The following APP variants were observed in gnomAD, a reference collection of about 807,000 sequenced individuals.
APP encodes the protein amyloid-beta precursor protein.
A neutral mutation model predicts 101.4 loss-of-function variants in APP; 31 were observed. That is an observed-to-expected ratio of 0.31 (90% CI 0.23 to 0.41). The LOEUF is 0.41. Among genes scored for constraint, APP ranks in the 10% least tolerant of loss-of-function variants. The pLI, the probability that APP is intolerant of heterozygous loss-of-function variation, is 1.00. For missense variants in APP, 839 were observed against 1,003.7 expected, an observed-to-expected ratio of 0.84 and a Z score of 2.22; for synonymous variants, 366 against 364.4, an observed-to-expected ratio of 1.00 and a Z score of -0.05.
chr21:25,927,463 A>G (rs1390728226), intron 13 of APP, among the ~76,000 whole-genome samples: 2 of 152,200 alleles, frequency 1.3e-5, no homozygotes, highest in African/African-American at 4.8e-5. Context: ...ATTTATACAC[A>G]TATTATCACA....
Position 25,881,661 on chromosome 21 carries a change from G to C in APP, c.*9C>G. The stretch of plus-strand genomic sequence containing the variant: ...GCTGTCCAACTTCAGAGGCTGCTGT[G>C]GCGGGGGTCTAGTTCTGCATCTGCT... On this transcript the variant is annotated 3_prime_UTR_variant, in exon 18 of 18. Transcript: ENST00000346798. 1.2e-6 allele frequency: 2 copies of C among 1,613,022 alleles called. No individual in the cohort carries two copies. Among genetic ancestry groups the C allele is most frequent in the African/African-American group, 1.3e-5 (1 of 75,026 alleles).
rs45581840 is a variant in APP, at chr21:26,155,343, GTATTTCA to G, written c.57+15214_57+15220del. Among the ~76,000 whole-genome samples, 1,460 of 152,262 alleles carry G rather than the reference GTATTTCA, an allele frequency of 9.6e-3. 18 individuals are homozygous for G. The highest frequency in any genetic ancestry group is 0.033 in the African/African-American group (1,373 of 41,530). ...TGAAGACATAATATGAAAAAATAAT[GTATTTCA>G]TAAATAGCTTTTATATTGACCCCCT... On this transcript the variant is annotated intron_variant, in intron 1 of 17. Coordinates refer to ENST00000346798, the MANE Select transcript of APP (RefSeq NM_000484.4).
chr21:26,137,588 G>A (rs1206376278), intron 1 of APP, among the ~76,000 whole-genome samples: 3 of 152,226 alleles, frequency 2.0e-5, no homozygotes, highest in Middle Eastern at 3.4e-3. Context: ...TCCTCACTGG[G>A]AGTTAGAAAT....
chr21:25,994,624 A>G (rs1402015401), intron 8 of APP, among the ~76,000 whole-genome samples: 1 of 152,226 alleles, frequency 6.6e-6, no homozygotes. Context: ...TTTGACTAGA[A>G]GCAGCTTAGA....
chr21:26,154,067 A>G (rs982046267), intron 1 of APP, among the ~76,000 whole-genome samples: 2 of 152,226 alleles, frequency 1.3e-5, no homozygotes, highest in Non-Finnish European at 2.9e-5. Context: ...ATTTGCTTAC[A>G]TTCTGAAAAT....
intron 1 of APP, among the ~76,000 whole-genome samples, chr21:26,146,330 T>C (rs1452996717): frequency 6.6e-6 from 1 of 152,250 alleles, no homozygotes; most frequent in African/African-American, 2.4e-5. Flanking sequence ...CTGTTATCAA[T>C]TGACAGTAGA....
intron 8 of APP, among the ~76,000 whole-genome samples, chr21:25,990,042 A>G (rs2830003): frequency 0.3 from 45,814 of 151,966 alleles, 7,691 homozygotes; most frequent in African/African-American, 0.45. Context: ...GCCATTTATA[A>G]CAAGAAAATA....
At chr21:25,909,893 G>A (rs1453163191) in intron 14 of APP, among the ~76,000 whole-genome samples, 4 of 151,982 alleles carry the variant, frequency 2.6e-5, no homozygotes, top group Admixed American at 2.6e-4. Flanking sequence ...TTCATAAATG[G>A]TAAAGTTTTA....
chr21:26,157,865 A>G (rs1642559597), intron 1 of APP, among the ~76,000 whole-genome samples: 1 of 152,268 alleles, frequency 6.6e-6, no homozygotes, highest in Non-Finnish European at 1.5e-5. Context: ...AAACAGGTTC[A>G]GCATGACAGA....
At chr21:26,043,830 G>GGGCTT (rs1555855177) in intron 5 of APP, among the ~76,000 whole-genome samples, 1 of 236 alleles carries the variant, frequency 4.2e-3, no homozygotes, top group South Asian at 0.12. Context: ...ACTACTTGTG[G>GGGCTT]GCTGATATTC....
intron 5 of APP, among the ~76,000 whole-genome samples, chr21:26,028,176 CAAAA>C (rs200301180): frequency 3.2e-5 from 3 of 93,490 alleles, no homozygotes; most frequent in Non-Finnish European, 4.5e-5. Flanking sequence ...GACTCTGTCT[CAAAA>C]AAAAAAAAAA....
At chr21:25,977,837 C>G (rs574983078) in intron 9 of APP, among the ~76,000 whole-genome samples, 12 of 152,258 alleles carry the variant, frequency 7.9e-5, no homozygotes, top group African/African-American at 2.4e-4. Flanking sequence ...ATAAAGGGAA[C>G]CTGTGGGCAA....
chr21:26,149,971 GA>G (rs1251173757), intron 1 of APP, among the ~76,000 whole-genome samples: 3 of 152,214 alleles, frequency 2.0e-5, no homozygotes, highest in East Asian at 3.9e-4. Flanking sequence ...TAGAAAAGGG[GA>G]AAAAAACCTT....
At chr21:25,890,029 A>C (rs1601288293) in intron 17 of APP, among the ~76,000 whole-genome samples, 1 of 152,352 alleles carries the variant, frequency 6.6e-6, no homozygotes, top group African/African-American at 2.4e-5. Flanking sequence ...GCTGATACTA[A>C]TGAAAACCTA....
intron 2 of APP, among the ~76,000 whole-genome samples, chr21:26,098,586 A>G (rs989837170): frequency 6.6e-6 from 1 of 152,222 alleles, no homozygotes; most frequent in Non-Finnish European, 1.5e-5. Context: ...ATTAATGCCA[A>G]AAGTCCTAAA....
rs564382682 is a variant in APP at position 25,987,289 on chromosome 21, T to C, written c.1091-4812A>G. On this transcript the variant is annotated intron_variant, in intron 8 of 17. Transcript: ENST00000346798. ...GTCCCTCCTTCAGCCTGCTCACTCA[T>C]GCCTTCTGCAAGCAAGCTGGCTAGG... Among the ~76,000 whole-genome samples, 8 of 152,330 alleles carry C rather than the reference T, an allele frequency of 5.3e-5. No homozygotes were observed. In the East Asian group the frequency reaches 1.5e-3, roughly 29 times the overall value.
chr21:25,981,024 T>C (rs2042411917), intron 9 of APP, among the ~76,000 whole-genome samples: 1 of 152,188 alleles, frequency 6.6e-6, no homozygotes, highest in African/African-American at 2.4e-5. Flanking sequence ...AGTGGTCTGG[T>C]ACCTGGTCCT....
At chr21:26,097,997 G>A (rs944326695) in intron 2 of APP, among the ~76,000 whole-genome samples, 1 of 149,616 alleles carries the variant, frequency 6.7e-6, no homozygotes, top group South Asian at 2.1e-4. Flanking sequence ...GGAGAATGGC[G>A]TGAACCTGGG....
chr21:26,022,150 C>T, intron 5 of APP, 108 bp from the exon 6 acceptor site: 1 of 1,276,902 alleles, frequency 7.8e-7, no homozygotes, highest in Non-Finnish European at 1.1e-6. Flanking sequence ...GAAACACACC[C>T]AAAACTTCAA....
Sources: allele counts gnomAD v4.1 joint callset (sites outside exome capture counted in the v4.1 genomes callset), GRCh38; gene constraint gnomAD v4.1.1; transcripts MANE v1.5; gene names NCBI Gene and HGNC (gene_info 2026-07-23, HGNC 2026-07-21).